THSD4: variants seen among roughly 807,000 people sequenced by gnomAD.
The protein encoded by THSD4 is thrombospondin type-1 domain-containing protein 4.
A neutral mutation model predicts 119.0 loss-of-function variants in THSD4; 69 were observed. That is an observed-to-expected ratio of 0.58 (90% confidence interval 0.48 to 0.71). The LOEUF (loss-of-function observed/expected upper bound fraction) is 0.71. Among genes scored for constraint, THSD4 ranks in the 30% least tolerant of loss-of-function variants. The probability of loss-of-function intolerance (pLI) is 0.00; values close to 1 mark genes in which losing one functional copy is unlikely to be tolerated. For missense variants in THSD4, 1,393 were observed against 1,391.1 expected, an observed-to-expected ratio of 1.00 and a Z score of -0.02; for synonymous variants, 524 against 540.4, an observed-to-expected ratio of 0.97 and a Z score of 0.42.
chr15:71,231,744 C>T (rs1431416749), intron 4 of THSD4, among the ~76,000 whole-genome samples: 1 of 152,178 alleles, frequency 6.6e-6, no homozygotes, highest in Non-Finnish European at 1.5e-5. Flanking sequence ...GTGTGCTGCA[C>T]AGTAGGCGAC....
upstream of THSD4, chr15:71,110,566 C>T (rs1212118436): frequency 6.5e-6 from 1 of 153,714 alleles, no homozygotes; most frequent in East Asian, 1.9e-4. Context: ...GCCACTACGT[C>T]AAGCTGTCCC....
chr15:71,101,824 G>A lies in THSD4; in HGVS notation c.-80+4818G>A, dbSNP rs562406886. Among the ~76,000 whole-genome samples the A allele has an allele frequency of 9.8e-4, 148 of 151,484 alleles. 1 individual carries two copies. The highest frequency in any genetic ancestry group is 3.4e-3 in the African/African-American group (139 of 41,228). On this transcript the variant is annotated intron_variant, in intron 1 of 17. Transcript: ENST00000355327. ...CATCTCCCAGGCTCAAGCGATTCTCGTGCCTCAGCCTCCTGAGTAGCTGGG... is the reference window on the plus strand; with the variant it reads ...CATCTCCCAGGCTCAAGCGATTCTCATGCCTCAGCCTCCTGAGTAGCTGGG...
chr15:71,519,989 A>T (rs1487650170), intron 7 of THSD4, among the ~76,000 whole-genome samples: 1 of 152,184 alleles, frequency 6.6e-6, no homozygotes, highest in East Asian at 1.9e-4. Flanking sequence ...AAATCACAGG[A>T]TAGCTAGTTT....
chr15:71,533,982 C>T (rs572434456), intron 7 of THSD4, among the ~76,000 whole-genome samples: 10 of 152,278 alleles, frequency 6.6e-5, no homozygotes, highest in Non-Finnish European at 1.5e-4. Context: ...TGTTAAGATA[C>T]GAAGTGATTT....
chr15:71,472,583 C>T (rs1216269092), intron 7 of THSD4, among the ~76,000 whole-genome samples: 4 of 152,128 alleles, frequency 2.6e-5, no homozygotes, highest in South Asian at 2.1e-4. Context: ...GCTTCTCTAA[C>T]GGGCAGAGTT....
At chr15:71,165,090 G>A (rs2043282946) in intron 3 of THSD4, 8 of 1,610,472 alleles carry the variant, frequency 5.0e-6, no homozygotes, top group East Asian at 2.2e-5. Flanking sequence ...ATTTTTGGGC[G>A]ATACTCAGAG....
intron 6 of THSD4, among the ~76,000 whole-genome samples, chr15:71,268,425 C>T (rs1391348798): frequency 3.3e-5 from 5 of 152,116 alleles, no homozygotes; most frequent in African/African-American, 1.2e-4. Flanking sequence ...AAAGACATAA[C>T]GTACCAGAAT....
At chr15:71,321,960 A>G (rs2045275035) in intron 6 of THSD4, among the ~76,000 whole-genome samples, 1 of 152,184 alleles carries the variant, frequency 6.6e-6, no homozygotes, top group Non-Finnish European at 1.5e-5. Context: ...GCAAATATTA[A>G]CAACAATCAA....
At chr15:71,216,086 T>A (rs1328127576) in intron 4 of THSD4, among the ~76,000 whole-genome samples, 1 of 152,162 alleles carries the variant, frequency 6.6e-6, no homozygotes, top group East Asian at 1.9e-4. Flanking sequence ...TGTCAGTGAG[T>A]GAAGCAATAG....
At chr15:71,488,523 A>AAACCAGCCAG in intron 7 of THSD4, among the ~76,000 whole-genome samples, 1 of 152,192 alleles carries the variant, frequency 6.6e-6, no homozygotes, top group South Asian at 2.1e-4. Flanking sequence ...TGGAAATCTT[A>AAACCAGCCAG]ATCTCATACT....
intron 7 of THSD4, among the ~76,000 whole-genome samples, chr15:71,560,855 C>A (rs1206783320): frequency 6.6e-6 from 1 of 151,972 alleles, no homozygotes; most frequent in Non-Finnish European, 1.5e-5. Flanking sequence ...GAGTTGATGT[C>A]TTTTGTATAG....
Position 71,669,649 on chromosome 15 carries a change from C to A in THSD4, c.1357+8915C>A, listed in dbSNP as rs1595847708. ...TGTCTGATGATCAATCCTTAGTTGT[C>A]AGTTTATATTTATAAAGATAATGGA... On this transcript the variant is annotated intron_variant, in intron 8 of 17. Transcript: ENST00000261862. Among the ~76,000 whole-genome samples, 3 of 152,264 alleles carry A rather than the reference C, an allele frequency of 2.0e-5. No homozygotes were observed. The East Asian group carries it at 5.8e-4, about 29-fold the overall frequency.
intron 3 of THSD4, among the ~76,000 whole-genome samples, chr15:71,193,059 A>T (rs185470174): frequency 1.6e-3 from 248 of 152,334 alleles, no homozygotes; most frequent in Non-Finnish European, 2.9e-3. Flanking sequence ...CGCTGACTGC[A>T]CAGGAATACG....
At chr15:71,725,576 C>G (rs2141121402) in intron 8 of THSD4, among the ~76,000 whole-genome samples, 1 of 152,168 alleles carries the variant, frequency 6.6e-6, no homozygotes, top group Non-Finnish European at 1.5e-5. Flanking sequence ...GAGTGTGGTT[C>G]CCAGAAGCTG....
chr15:71,461,064 A>G (rs1271435556), intron 7 of THSD4, among the ~76,000 whole-genome samples: 1 of 152,228 alleles, frequency 6.6e-6, no homozygotes, highest in Non-Finnish European at 1.5e-5. Flanking sequence ...CTGTGACTCT[A>G]GAATTCAGGA....
intron 7 of THSD4, among the ~76,000 whole-genome samples, chr15:71,635,132 G>T (rs147308711): frequency 1.3e-3 from 195 of 152,282 alleles, no homozygotes; most frequent in African/African-American, 4.4e-3. Context: ...GGCCAGATTT[G>T]AAGCTCTCAC....
chr15:71,180,179 A>G (rs1596248945), intron 3 of THSD4, among the ~76,000 whole-genome samples: 1 of 151,574 alleles, frequency 6.6e-6, no homozygotes, highest in African/African-American at 2.4e-5. Flanking sequence ...AATAAAAAAA[A>G]AAAAAGACAC....
chr15:71,741,684 TACACACACACACAC>T (rs56080459), intron 11 of THSD4, among the ~76,000 whole-genome samples: 3,783 of 145,792 alleles, frequency 0.026, 68 homozygotes, highest in Admixed American at 0.062. Context: ...TGTGTGCATG[TACACACACACACAC>T]ACACACACAC....
At chr15:71,466,463 G>A (rs567915346) in intron 7 of THSD4, among the ~76,000 whole-genome samples, 4 of 152,194 alleles carry the variant, frequency 2.6e-5, no homozygotes, top group East Asian at 1.9e-4. Flanking sequence ...CTCCAGGCCC[G>A]ATCCAGAGAG....
Sources: gnomAD v4.1 joint callset for allele counts (sites outside exome capture counted in the v4.1 genomes callset) on GRCh38, gnomAD v4.1.1 for gene constraint, MANE v1.5 for transcripts, NCBI Gene and HGNC (gene_info 2026-07-23, HGNC 2026-07-21) for gene names.